CAPZB: variants seen among roughly 807,000 people sequenced by gnomAD.
The protein encoded by CAPZB is F-actin-capping protein subunit beta.
A neutral mutation model predicts 38.1 loss-of-function variants in CAPZB; 2 were observed. The observed-to-expected ratio is 0.05, with a 90% CI of 0.02 to 0.17. The LOEUF (loss-of-function observed/expected upper bound fraction) is 0.17. Among genes scored for constraint, CAPZB ranks in the 10% least tolerant of loss-of-function variants. The pLI, the probability that CAPZB is intolerant of heterozygous loss-of-function variation, is 1.00. For missense variants in CAPZB, 161 were observed against 334.2 expected, an observed-to-expected ratio of 0.48 and a Z score of 4.04; for synonymous variants, 107 against 127.4, an observed-to-expected ratio of 0.84 and a Z score of 1.08.
intron 2 of CAPZB, among the ~76,000 whole-genome samples, chr1:19,386,290 G>T (rs575060891): frequency 2.6e-5 from 4 of 152,148 alleles, no homozygotes; most frequent in African/African-American, 9.7e-5. Flanking sequence ...CCAATGTTGC[G>T]ACTCTGACAC....
intron 1 of CAPZB, among the ~76,000 whole-genome samples, chr1:19,467,394 G>A (rs528177761): frequency 3.0e-3 from 460 of 152,222 alleles, no homozygotes; most frequent in African/African-American, 0.011. Context: ...CCCCTCCAGC[G>A]GCTCAGCTCT....
intron 2 of CAPZB, among the ~76,000 whole-genome samples, chr1:19,398,051 G>A (rs1019542227): frequency 3.3e-5 from 5 of 152,176 alleles, no homozygotes; most frequent in Non-Finnish European, 7.3e-5. Context: ...AGACACCTGA[G>A]GCAGAAAGTG....
intron 2 of CAPZB, among the ~76,000 whole-genome samples, chr1:19,397,111 C>T (rs903020154): frequency 1.3e-5 from 2 of 152,168 alleles, no homozygotes; most frequent in South Asian, 2.1e-4. Flanking sequence ...TCTGTCCTCT[C>T]GTTTAAGTGA....
At chr1:19,366,313 T>TATATATATATATATATAA (rs2094087728) in intron 4 of CAPZB, among the ~76,000 whole-genome samples, 2 of 135,870 alleles carry the variant, frequency 1.5e-5, no homozygotes, top group South Asian at 2.3e-4. Flanking sequence ...TATATATAAA[T>TATATATATATATATATAA]AAAATAAATG....
intron 1 of CAPZB, 85 bp downstream of exon 1, chr1:19,485,351 G>T: frequency 1.0e-6 from 1 of 1,002,680 alleles, no homozygotes; most frequent in Non-Finnish European, 1.3e-6. Flanking sequence ...GAAGCCACCC[G>T]TCCCAGGCCA....
At chr1:19,483,224 C>T (rs918715243) in intron 1 of CAPZB, among the ~76,000 whole-genome samples, 2 of 152,228 alleles carry the variant, frequency 1.3e-5, no homozygotes, top group Non-Finnish European at 2.9e-5. Flanking sequence ...TGCTCCTCCC[C>T]CCTTGCCATG....
chr1:19,379,781 T>C (rs1276618056), intron 3 of CAPZB, among the ~76,000 whole-genome samples: 6 of 152,048 alleles, frequency 3.9e-5, no homozygotes, highest in Admixed American at 2.6e-4. Flanking sequence ...AAAGATCTAC[T>C]CATTAATTCC....
intron 2 of CAPZB, among the ~76,000 whole-genome samples, chr1:19,393,448 A>T (rs2094248668): frequency 6.6e-6 from 1 of 152,216 alleles, no homozygotes; most frequent in Non-Finnish European, 1.5e-5. Context: ...ATTCGGAGGC[A>T]GGATTGAGGG....
At chr1:19,464,131 G>A (rs2094561301) in intron 1 of CAPZB, among the ~76,000 whole-genome samples, 1 of 151,450 alleles carries the variant, frequency 6.6e-6, no homozygotes, top group Non-Finnish European at 1.5e-5. Flanking sequence ...AGGTTGTAGT[G>A]AGCCAAGATC....
At chr1:19,403,887 C>T (rs1321590510) in intron 2 of CAPZB, among the ~76,000 whole-genome samples, 1 of 152,206 alleles carries the variant, frequency 6.6e-6, no homozygotes, top group South Asian at 2.1e-4. Flanking sequence ...CCCCTTCTGC[C>T]TGCCTCCCTC....
At chr1:19,367,804 A>AT (rs2094098277) in intron 4 of CAPZB, among the ~76,000 whole-genome samples, 1 of 152,042 alleles carries the variant, frequency 6.6e-6, no homozygotes. Context: ...CGAGGCTTTT[A>AT]TTTTTTTACT....
chr1:19,433,940 C>A (rs2094450193), intron 1 of CAPZB, among the ~76,000 whole-genome samples: 1 of 152,234 alleles, frequency 6.6e-6, no homozygotes, highest in African/African-American at 2.4e-5. Flanking sequence ...CAACAGAATT[C>A]TGCAACAACT....
intron 1 of CAPZB, among the ~76,000 whole-genome samples, chr1:19,421,270 T>C (rs1318513915): frequency 6.6e-6 from 1 of 152,212 alleles, no homozygotes; most frequent in Non-Finnish European, 1.5e-5. Flanking sequence ...TAACCACAAG[T>C]AGGCCGTGGG....
intron 1 of CAPZB, among the ~76,000 whole-genome samples, chr1:19,464,393 G>A (rs540243295): frequency 3.2e-3 from 469 of 146,952 alleles, no homozygotes; most frequent in Non-Finnish European, 5.4e-3. Context: ...CCGGGTTCAC[G>A]CCATTCTCCT....
At chr1:19,432,876 G>A (rs1024286523) in intron 1 of CAPZB, among the ~76,000 whole-genome samples, 3 of 152,198 alleles carry the variant, frequency 2.0e-5, no homozygotes, top group African/African-American at 7.2e-5. Context: ...TCAGATAGGG[G>A]CAATGAGTCT....
chr1:19,395,888 C>T (rs150803149), intron 2 of CAPZB, among the ~76,000 whole-genome samples: 1,830 of 152,338 alleles, frequency 0.012, 16 homozygotes, highest in Middle Eastern at 0.027. Context: ...AGCCAGCCGG[C>T]AGGAGAAGCT....
intron 1 of CAPZB, among the ~76,000 whole-genome samples, chr1:19,430,650 A>G (rs943482646): frequency 6.6e-6 from 1 of 152,056 alleles, no homozygotes; most frequent in Admixed American, 6.5e-5. Flanking sequence ...TTTAAGGCAT[A>G]TATCTCTTAC....
At chr1:19,433,738 T>C (rs550845533) in intron 1 of CAPZB, among the ~76,000 whole-genome samples, 2 of 152,308 alleles carry the variant, frequency 1.3e-5, no homozygotes, top group East Asian at 3.9e-4. Context: ...TGCTTATTGA[T>C]CCAACAAACC....
intron 1 of CAPZB, among the ~76,000 whole-genome samples, chr1:19,453,770 C>G (rs1218301556): frequency 2.6e-5 from 4 of 152,230 alleles, no homozygotes; most frequent in Admixed American, 2.0e-4. Flanking sequence ...TCTTGTTCAC[C>G]ATCCCTGTGA....
Sources: gnomAD v4.1 joint callset for allele counts (sites outside exome capture counted in the v4.1 genomes callset) on GRCh38, gnomAD v4.1.1 for gene constraint, MANE v1.5 for transcripts, NCBI Gene and HGNC (gene_info 2026-07-23, HGNC 2026-07-21) for gene names.